The following PCGF3 variants were observed in gnomAD, a reference collection of about 807,000 sequenced individuals.
PCGF3 encodes polycomb group RING finger protein 3.
PCGF3 carries 7 observed loss-of-function variants against 33.1 expected under a neutral mutation model. The ratio of observed to expected loss-of-function variants is 0.21; its 90% CI spans 0.12 to 0.40. PCGF3 has a LOEUF of 0.40. PCGF3 is among the 10% of genes least tolerant of loss of function. The probability of loss-of-function intolerance (pLI) is 1.00; values close to 1 mark genes in which losing one functional copy is unlikely to be tolerated. For missense variants in PCGF3, 211 were observed against 313.3 expected (o/e 0.67, Z 2.46); for synonymous variants, 153 against 121.3 (o/e 1.26, Z -1.72).
At chr4:764,590 TAGAC>T (rs1745257223) in intron 9 of PCGF3, 1 of 173,386 alleles carries the variant, frequency 5.8e-6, no homozygotes, top group Non-Finnish European at 1.2e-5. Flanking sequence ...GCAGGTGTGG[TAGAC>T]AGGGTGTGAT....
chr4:717,221 A>G (rs11731156), intron 1 of PCGF3, among the ~76,000 whole-genome samples: 118 of 18,524 alleles, frequency 6.4e-3, no homozygotes, highest in South Asian at 0.016. Context: ...GTGAGAACTG[A>G]GCGTCGGTGC....
At chr4:717,770 G>T (rs1742919295) in intron 1 of PCGF3, among the ~76,000 whole-genome samples, 1 of 152,258 alleles carries the variant, frequency 6.6e-6, no homozygotes, top group Non-Finnish European at 1.5e-5. Context: ...CGTGTTCTGG[G>T]CACAGGGCGC....
intron 8 of PCGF3, among the ~76,000 whole-genome samples, 187 bp from the exon 9 acceptor site, chr4:761,092 G>A (rs1344969331): frequency 6.6e-6 from 1 of 152,228 alleles, no homozygotes; most frequent in Non-Finnish European, 1.5e-5. Context: ...GCAAGCAGAC[G>A]ATAAACAGGT....
chr4:740,787 C>T (rs150329772), intron 6 of PCGF3, among the ~76,000 whole-genome samples: 361 of 152,306 alleles, frequency 2.4e-3, no homozygotes, highest in Non-Finnish European at 3.5e-3. Context: ...CTGGTTGGAA[C>T]CAGCCCCACT....
rs1224084402 is a variant in PCGF3 at position 732,335 on chromosome 4, TCCTCC to T, written c.-10+1232_-10+1236del. The T allele has an allele frequency of 4.0e-4, 31 of 77,954 alleles. No homozygotes were observed. In the East Asian group the frequency reaches 7.0e-3, roughly 18 times the overall value. 4.8% of individuals were successfully genotyped at this position (77,954 alleles called of 1,614,324 possible). ...CTCCCTACCCTCCCCTCCCCTTCCC[TCCTCC>T]CCTCCCTTCCCTTCCCCTCCCCTCC... On this transcript the variant is annotated intron_variant, in intron 3 of 10. Coordinates refer to ENST00000362003, the Ensembl canonical transcript of PCGF3.
At chr4:769,195 C>G (rs954705863) in exon 11 of PCGF3, 1 of 152,704 alleles carries the variant, frequency 6.5e-6, no homozygotes, top group African/African-American at 2.4e-5. Context: ...GGCCTCAGAC[C>G]ACAAGAGCGG....
At chr4:734,829 A>G (rs1435903334) in intron 4 of PCGF3, 102 bp from the exon 5 acceptor site, 2 of 1,497,618 alleles carry the variant, frequency 1.3e-6, no homozygotes, top group East Asian at 2.5e-5. Context: ...GAGCATCTGC[A>G]CAGAAACGAG....
At chr4:728,394 G>A (rs1179674298) in intron 1 of PCGF3, among the ~76,000 whole-genome samples, 1 of 151,862 alleles carries the variant, frequency 6.6e-6, no homozygotes, top group African/African-American at 2.4e-5. Flanking sequence ...AGTGTCGTAA[G>A]TAATCTGGGG....
At position 718,910 on chromosome 4, in the gene PCGF3, G is replaced by T. The variant is rs191628013; in HGVS notation, c.-189-11720G>T. Among the ~76,000 whole-genome samples the T allele has an allele frequency of 1.2e-4, 18 of 152,228 alleles. 1 individual carries two copies. Among genetic ancestry groups the T allele is most frequent in the African/African-American group, 4.3e-4 (18 of 41,552 alleles). ...CCCTTTTGAGAATTAAATTCAAAGC[G>T]CTGTCATGTTGTAGCATTGTTTTTC... On this transcript the variant is annotated intron_variant, in intron 1 of 10. Transcript: ENST00000362003.
intron 6 of PCGF3, among the ~76,000 whole-genome samples, chr4:743,122 T>G (rs936059076): frequency 6.6e-6 from 1 of 152,236 alleles, no homozygotes; most frequent in Non-Finnish European, 1.5e-5. Context: ...ACAGTGTTTA[T>G]CAACCCCTGG....
At chr4:760,904 C>T (rs1745018616) in intron 8 of PCGF3, among the ~76,000 whole-genome samples, 1 of 152,244 alleles carries the variant, frequency 6.6e-6, no homozygotes, top group African/African-American at 2.4e-5. Context: ...TGCTGTCTCC[C>T]CGAGTGCATT....
In PCGF3 at chr4:714,853, A is replaced by G. The variant is rs564494308; in HGVS notation, c.-190+8883A>G. Among the ~76,000 whole-genome samples the G allele has an allele frequency of 6.6e-5, 10 of 152,376 alleles. 1 individual carries two copies. In the South Asian group the frequency reaches 1.9e-3, roughly 28 times the overall value. ...ATTTGGGACCTTAATTACAGCTTCAAAAGTCCCTTTACAGCAGTCCATGGG... is the reference window on the plus strand; with the variant it reads ...ATTTGGGACCTTAATTACAGCTTCAGAAGTCCCTTTACAGCAGTCCATGGG... On this transcript the variant is annotated intron_variant, in intron 1 of 10. Transcript: ENST00000362003.
At chr4:729,762 C>T (rs879132347) in intron 1 of PCGF3, among the ~76,000 whole-genome samples, 1 of 152,146 alleles carries the variant, frequency 6.6e-6, no homozygotes, top group Admixed American at 6.5e-5. Flanking sequence ...TATGGGAAAC[C>T]GGAAGAGTAG....
At chr4:743,492 G>C (rs2152591033) in exon 7 of PCGF3, 1 of 1,611,770 alleles carries the variant, frequency 6.2e-7, no homozygotes, top group East Asian at 2.2e-5. Context: ...AGAAAGCAGA[G>C]GGAGTTCTAT....
intron 7 of PCGF3, chr4:744,074 G>C (rs939358155): frequency 1.2e-5 from 2 of 166,044 alleles, no homozygotes; most frequent in Admixed American, 1.1e-4. Context: ...GTGACAGTTG[G>C]AGGGTGGGAG....
chr4:740,551 AG>A (rs1744042197), intron 6 of PCGF3, among the ~76,000 whole-genome samples: 1 of 151,940 alleles, frequency 6.6e-6, no homozygotes, highest in African/African-American at 2.4e-5. Context: ...CGCACTCACC[AG>A]TCCTCTTTCC....
chr4:715,492 T>TA (rs149354168), intron 1 of PCGF3, among the ~76,000 whole-genome samples: 8,405 of 133,938 alleles, frequency 0.063, 715 homozygotes, highest in East Asian at 0.08. Context: ...TGGGACCCTA[T>TA]AGACACTGAG....
chr4:768,266 T>C (rs760480028), exon 11 of PCGF3: 1 of 152,666 alleles, frequency 6.6e-6, no homozygotes, highest in Non-Finnish European at 1.5e-5. Context: ...CAGACAGTCT[T>C]CACTACAGGA....
chr4:752,072 C>CT (rs1744540402), intron 8 of PCGF3, among the ~76,000 whole-genome samples: 1 of 152,386 alleles, frequency 6.6e-6, no homozygotes, highest in East Asian at 1.9e-4. Context: ...CGGGGCCTTT[C>CT]TTTCTGTTTT....
Sources: gnomAD v4.1 joint callset for allele counts (sites outside exome capture counted in the v4.1 genomes callset) on GRCh38, gnomAD v4.1.1 for gene constraint, MANE v1.5 for transcripts, NCBI Gene and HGNC (gene_info 2026-07-23, HGNC 2026-07-21) for gene names.